The following RGS6 variants were observed in gnomAD, a reference collection of about 807,000 sequenced individuals.
RGS6 encodes regulator of G protein signaling 6.
Under a neutral mutation model 78.5 loss-of-function variants are expected in RGS6, and 30 were observed. The observed-to-expected ratio is 0.38, with a 90% CI of 0.29 to 0.52. The LOEUF (loss-of-function observed/expected upper bound fraction) is 0.52, where lower values mean the gene tolerates loss of function less well. Among genes scored for constraint, RGS6 ranks in the 20% least tolerant of loss-of-function variants. RGS6 has a pLI of 0.85. For synonymous variants in RGS6, 206 were observed against 206.0 expected (o/e 1.00, Z 0.00); for missense variants, 495 against 609.7 (o/e 0.81, Z 1.98).
chr14:72,011,040 C>G (rs1257296113), intron 2 of RGS6, among the ~76,000 whole-genome samples: 1 of 152,156 alleles, frequency 6.6e-6, no homozygotes, highest in African/African-American at 2.4e-5. Flanking sequence ...AAGTGTTGTT[C>G]TATTCTAAAA....
At chr14:72,136,480 A>G (rs2153602349) in intron 2 of RGS6, among the ~76,000 whole-genome samples, 1 of 152,332 alleles carries the variant, frequency 6.6e-6, no homozygotes, top group East Asian at 1.9e-4. Context: ...TCATGACAGA[A>G]GGCAAAAGTC....
chr14:72,467,821 C>T (rs1415644388), intron 7 of RGS6, among the ~76,000 whole-genome samples: 1 of 152,176 alleles, frequency 6.6e-6, no homozygotes, highest in Non-Finnish European at 1.5e-5. Flanking sequence ...CCCCAATGCC[C>T]AGCAATCACA....
intron 13 of RGS6, 39 bp from the exon 14 acceptor site, chr14:72,510,115 G>C (rs760946994): frequency 6.5e-7 from 1 of 1,545,882 alleles, no homozygotes; most frequent in African/African-American, 1.4e-5. Flanking sequence ...CTTTTCTCTG[G>C]TATTGATCTT....
At chr14:71,920,482 G>C in the RGS6 span, among the ~76,000 whole-genome samples, 1 of 152,094 alleles carries the variant, frequency 6.6e-6, no homozygotes, top group East Asian at 1.9e-4. Flanking sequence ...ATGGAGTCGA[G>C]GTCTACTGAA....
At chr14:72,246,282 A>G (rs2054190961) in intron 2 of RGS6, among the ~76,000 whole-genome samples, 1 of 152,190 alleles carries the variant, frequency 6.6e-6, no homozygotes, top group Non-Finnish European at 1.5e-5. Flanking sequence ...CTGTGATACT[A>G]CCTAGTCCTA....
intron 3 of RGS6, among the ~76,000 whole-genome samples, chr14:72,414,070 T>C (rs1356063794): frequency 6.6e-6 from 1 of 152,092 alleles, no homozygotes; most frequent in African/African-American, 2.4e-5. Flanking sequence ...TCTCAAGGAG[T>C]ATCTTTGTGG....
chr14:72,404,220 T>G (rs2092718802), intron 3 of RGS6, among the ~76,000 whole-genome samples: 1 of 152,004 alleles, frequency 6.6e-6, no homozygotes, highest in African/African-American at 2.4e-5. Context: ...TGGTTATGAC[T>G]GTTTCAAAGT....
chr14:72,384,544 A>T (rs2087244093), intron 3 of RGS6, among the ~76,000 whole-genome samples: 1 of 152,284 alleles, frequency 6.6e-6, no homozygotes, highest in Middle Eastern at 3.4e-3. Context: ...TTTATTAAAG[A>T]TCACTTATTG....
chr14:72,193,998 T>C (rs748032495), intron 2 of RGS6, among the ~76,000 whole-genome samples: 1 of 152,120 alleles, frequency 6.6e-6, no homozygotes, highest in Non-Finnish European at 1.5e-5. Flanking sequence ...AAAGGGACCA[T>C]TCTGACCGTC....
At chr14:71,871,429 G>A in the RGS6 span, among the ~76,000 whole-genome samples, 21 of 151,906 alleles carry the variant, frequency 1.4e-4, no homozygotes, top group African/African-American at 3.1e-4. Flanking sequence ...CTTTCCTCTC[G>A]TCTCTGAGGA....
At chr14:72,002,298 C>T (rs2083621209) in intron 2 of RGS6, among the ~76,000 whole-genome samples, 1 of 152,130 alleles carries the variant, frequency 6.6e-6, no homozygotes, top group Admixed American at 6.6e-5. Context: ...TACTAACTAG[C>T]CCCAGATCAC....
intron 2 of RGS6, among the ~76,000 whole-genome samples, chr14:72,079,262 C>A (rs376196488): frequency 6.6e-6 from 1 of 151,068 alleles, no homozygotes; most frequent in African/African-American, 2.4e-5. Context: ...AAATTTTTTT[C>A]TACAGCATGC....
At chr14:72,529,342 T>C (rs1014268314) in intron 15 of RGS6, among the ~76,000 whole-genome samples, 1 of 152,202 alleles carries the variant, frequency 6.6e-6, no homozygotes, top group Non-Finnish European at 1.5e-5. Context: ...GAAGGGTGGT[T>C]CAGGCTGTTA....
intron 2 of RGS6, among the ~76,000 whole-genome samples, chr14:72,190,544 A>C (rs2097309943): frequency 6.6e-6 from 1 of 152,178 alleles, no homozygotes; most frequent in Non-Finnish European, 1.5e-5. Flanking sequence ...GTGGAAAGTC[A>C]CTGGGGTAAT....
At chr14:72,465,052 C>T (rs183386622) in intron 6 of RGS6, among the ~76,000 whole-genome samples, 1 of 152,116 alleles carries the variant, frequency 6.6e-6, no homozygotes, top group East Asian at 1.9e-4. Context: ...TAAGAGGTTG[C>T]CAGATAGAGG....
intron 2 of RGS6, among the ~76,000 whole-genome samples, chr14:72,044,849 G>A (rs1328099792): frequency 6.6e-6 from 1 of 151,396 alleles, no homozygotes; most frequent in Non-Finnish European, 1.5e-5. Context: ...CTCCAGCCTG[G>A]GCAACATAGT....
chr14:72,496,733 C>T (rs2096650001), intron 13 of RGS6, among the ~76,000 whole-genome samples: 1 of 152,158 alleles, frequency 6.6e-6, no homozygotes, highest in Non-Finnish European at 1.5e-5. Context: ...CTAAGGGTAC[C>T]ATGAGCTCAG....
At chr14:72,350,415 A>C (rs1354966086) in intron 2 of RGS6, among the ~76,000 whole-genome samples, 1 of 152,172 alleles carries the variant, frequency 6.6e-6, no homozygotes, top group Non-Finnish European at 1.5e-5. Context: ...GTTGTCCCTG[A>C]TGTTGATCAC....
At chr14:72,402,679 G>A (rs529765405) in intron 3 of RGS6, among the ~76,000 whole-genome samples, 1 of 152,116 alleles carries the variant, frequency 6.6e-6, no homozygotes, top group African/African-American at 2.4e-5. Context: ...CAGCCACTAT[G>A]GAGAATAGTA....
Sources: gnomAD v4.1 joint callset for allele counts (sites outside exome capture counted in the v4.1 genomes callset) on GRCh38, gnomAD v4.1.1 for gene constraint, MANE v1.5 for transcripts, NCBI Gene and HGNC (gene_info 2026-07-23, HGNC 2026-07-21) for gene names.